FAM76B: variants seen among roughly 807,000 people sequenced by gnomAD.
The protein encoded by FAM76B is family with sequence similarity 76 member B, also known as protein FAM76B.
FAM76B carries 16 observed loss-of-function variants against 51.8 expected under a neutral mutation model. The ratio of observed to expected loss-of-function variants is 0.31; its 90% CI spans 0.21 to 0.47. The LOEUF (loss-of-function observed/expected upper bound fraction) is 0.47, where lower values mean the gene tolerates loss of function less well. Among genes scored for constraint, FAM76B ranks in the 20% least tolerant of loss-of-function variants. FAM76B has a pLI of 1.00. For missense variants in FAM76B, 342 were observed against 392.6 expected, an observed-to-expected ratio of 0.87 and a Z score of 1.09; for synonymous variants, 166 against 129.5, an observed-to-expected ratio of 1.28 and a Z score of -1.91.
In FAM76B at chr11:95,784,631, A is replaced by C. The variant is rs1372531873; in HGVS notation, c.364-1367T>G. ...TTTTGAGACGGAGTCTCTGTCGCCC[A>C]GGCTGGAGTGCAGTGGCGCAATCTT... On this transcript the variant is annotated intron_variant, in intron 4 of 9. Transcript: ENST00000358780. Among the ~76,000 whole-genome samples, 3 of 146,992 alleles carry C rather than the reference A, an allele frequency of 2.0e-5. No homozygotes were observed. In the East Asian group the frequency reaches 6.0e-4, roughly 29 times the overall value.
rs775991565 is a variant in FAM76B at position 95,779,185 on chromosome 11, T to C, written c.693-228A>G. The C allele has an allele frequency of 3.3e-6, 5 of 1,531,106 alleles. 1 individual carries two copies. In the South Asian group the frequency reaches 4.5e-5, roughly 14 times the overall value. The allele number at this position is 1,531,106 out of a possible 1,614,324, so 94.8% of individuals were successfully genotyped here. ...GCTTTAAGGGGGTCAATACTTCTAG[T>C]GTAAAGCAATAGGCAGCCAATTTGT... On this transcript the variant is annotated intron_variant, in intron 7 of 9. Transcript: ENST00000358780.
chr11:95,786,223 A>C lies in FAM76B; in HGVS notation c.259T>G (p.Cys87Gly). 1 of 1,614,188 alleles carries C rather than the reference A, an allele frequency of 6.2e-7. No homozygotes were observed. Among genetic ancestry groups the C allele is most frequent in the Non-Finnish European group, 8.5e-7 (1 of 1,180,014 alleles). Reference protein sequence around the residue: ...NIIAAFIGTKCQRCTNSEKKY... With the variant: ...NIIAAFIGTKGQRCTNSEKKY... Reference sequence around the variant, plus strand: ...TTTTCTGAATTTGTGCAACGCTGACACTTGGTACCAATAAATGCTGCAATT... The same window carrying C: ...TTTTCTGAATTTGTGCAACGCTGACCCTTGGTACCAATAAATGCTGCAATT... Residue 87 changes from cysteine (C) to glycine (G), a missense_variant, in exon 4 of 10, where the codon TGT becomes GGT. Physicochemically the swap from Cys to Gly is radical, Grantham distance 159. Around this residue, in one of 3 missense-constraint regions of FAM76B, gnomAD observed 16 missense variants for 40.5 expected, o/e 0.40. Coordinates refer to ENST00000358780, the MANE Select transcript of FAM76B (RefSeq NM_144664.5).
Position 95,787,688 on chromosome 11 carries a change from A to AAATTGTATATAGATCATGTTTATGTAG in FAM76B, c.153-37_153-11dup. ...AATTGTGTTAGTTTTGCTGAAAAATAAATTGTATATAGATCATGTTTATGT... is the reference window on the plus strand; with the variant it reads ...AATTGTGTTAGTTTTGCTGAAAAATAAATTGTATATAGATCATGTTTATGTAGAATTGTATATAGATCATGTTTATGT... On this transcript the variant is annotated splice_polypyrimidine_tract_variant and intron_variant, in intron 2 of 9. Coordinates refer to ENST00000358780, the MANE Select transcript of FAM76B (RefSeq NM_144664.5). The AAATTGTATATAGATCATGTTTATGTAG allele has an allele frequency of 6.3e-7, 1 of 1,595,898 alleles. No homozygotes were observed.
At chr11:95,782,417 T>A (rs954784331) in intron 5 of FAM76B, among the ~76,000 whole-genome samples, 1 of 152,066 alleles carries the variant, frequency 6.6e-6, no homozygotes, top group African/African-American at 2.4e-5. Context: ...TTCCACAGGG[T>A]CAATTGCAGA....
chr11:95,786,816 T>C (rs1157230450), intron 3 of FAM76B: 2 of 152,468 alleles, frequency 1.3e-5, no homozygotes, highest in Non-Finnish European at 2.9e-5. Flanking sequence ...ATTCAAAAGA[T>C]GATTCAGGGC....
At chr11:95,779,554 A>G (rs1203136336) in intron 7 of FAM76B, 53 bp downstream of exon 7, 35 of 1,462,198 alleles carry the variant, frequency 2.4e-5, no homozygotes, top group South Asian at 1.2e-4. Context: ...GCATTCAACC[A>G]TAACTATTCA....
At chr11:95,774,748 A>C (rs1166739280) in intron 9 of FAM76B, among the ~76,000 whole-genome samples, 1 of 151,402 alleles carries the variant, frequency 6.6e-6, no homozygotes, top group African/African-American at 2.4e-5. Context: ...CTCTCAGAAC[A>C]GAGGGCTGAT....
At chr11:95,773,297 T>C (rs955947670) in intron 9 of FAM76B, among the ~76,000 whole-genome samples, 1 of 151,020 alleles carries the variant, frequency 6.6e-6, no homozygotes, top group Non-Finnish European at 1.5e-5. Context: ...CTTAATAAAT[T>C]ACATAAGACA....
intron 1 of FAM76B, chr11:95,788,789 A>G (rs3748256): frequency 0.35 from 510,008 of 1,471,006 alleles, 94,005 homozygotes; most frequent in Non-Finnish European, 0.38. Flanking sequence ...TATATTACAG[A>G]CAAATTAAGA....
chr11:95,788,599 GA>G (rs371718252), intron 1 of FAM76B, 36 bp from the exon 2 acceptor site: 27,942 of 1,576,172 alleles, frequency 0.018, 316 homozygotes, highest in Non-Finnish European at 0.021. Context: ...GTATCTTTCT[GA>G]AAGTCCCAAA....
Position 95,786,527 on chromosome 11 carries a change from T to C in FAM76B, c.208-253A>G, listed in dbSNP as rs148702062. The C allele has an allele frequency of 1.5e-3, 505 of 336,756 alleles. 4 individuals carry two copies. The highest frequency in any genetic ancestry group is 9.9e-3 in the African/African-American group (473 of 47,566). 20.9% of individuals were successfully genotyped at this position (336,756 alleles called of 1,614,324 possible). The stretch of plus-strand genomic sequence containing the variant: ...ATAGATTTGTGATTTGCATAGTCTG[T>C]TAGATAATACAAAAACTACACATAA... On this transcript the variant is annotated intron_variant, in intron 3 of 9. Transcript: ENST00000358780.
At chr11:95,780,015 T>C (rs1814086868) in intron 5 of FAM76B, 89 bp from the exon 6 acceptor site, 1 of 1,223,624 alleles carries the variant, frequency 8.2e-7, no homozygotes, top group Admixed American at 2.3e-5. Context: ...ATACAAATTT[T>C]ATGTTTATAA....
In FAM76B at chr11:95,788,504, T is replaced by C; in HGVS notation, c.147A>G (p.Gln49=). The C allele has an allele frequency of 1.2e-6, 2 of 1,611,870 alleles. No homozygotes were observed. Among genetic ancestry groups the C allele is most frequent in the Non-Finnish European group, 1.7e-6 (2 of 1,178,522 alleles). ...AAACTATTCAGTATACAAACCTCTC[T>C]TGTTGAAATTCTGATCTGCAGTAAG... is the stretch of plus-strand genomic sequence containing the variant. ...KCTYCRSEFQ[Q]ESKTNTICKK... is the part of the protein sequence containing the mutation. The change falls in exon 2 of 10, where the codon CAA becomes CAG. Residue 49 remains glutamine, a synonymous_variant. Transcript: ENST00000358780.
chr11:95,789,417 A>C lies in FAM76B; in HGVS notation c.62T>G (p.Leu21Arg). The C allele has an allele frequency of 6.2e-7, 1 of 1,607,362 alleles. No individual in the cohort carries two copies. The highest frequency in any genetic ancestry group is 8.5e-7 in the Non-Finnish European group (1 of 1,177,158). Residue 21 changes from leucine (L) to arginine (R), a missense_variant, in exon 1 of 10, where the codon CTC becomes CGC. Transcript: ENST00000358780. ...KCTQRYPFEE[L>R]SQGQQLCKEC... ...CTTGCAGAGCTGCTGGCCCTGGGAG[A>C]GCTCCTCGAAAGGATAACGCTGGGT...
chr11:95,773,405 T>C (rs1037195043), intron 9 of FAM76B, among the ~76,000 whole-genome samples: 24 of 147,100 alleles, frequency 1.6e-4, no homozygotes, highest in Admixed American at 1.4e-4. Context: ...CATATTTCAA[T>C]ATATGTACAT....
intron 3 of FAM76B, among the ~76,000 whole-genome samples, chr11:95,787,238 AGT>A (rs1491315500): frequency 1.3e-5 from 2 of 151,956 alleles, no homozygotes; most frequent in Admixed American, 6.6e-5. Flanking sequence ...GCATAGCAGT[AGT>A]TTTTTTTTTT....
rs190368648 is a variant in FAM76B, at chr11:95,786,068, T to C, written c.363+51A>G. 26 of 1,575,736 alleles carry C rather than the reference T, an allele frequency of 1.7e-5. 1 individual carries two copies. In the East Asian group the frequency reaches 3.2e-4, roughly 19 times the overall value. On this transcript the variant is annotated intron_variant, in intron 4 of 9. Transcript: ENST00000358780. ...GTATTAATTATAATTTCCAACTTGT[T>C]TGGCATTTTATTTAATTTCCAGAAG...
intron 9 of FAM76B, among the ~76,000 whole-genome samples, 177 bp from the exon 10 acceptor site, chr11:95,771,827 G>C (rs888756350): frequency 6.6e-5 from 10 of 151,016 alleles, no homozygotes; most frequent in Non-Finnish European, 8.9e-5. Flanking sequence ...ACATGCAGAA[G>C]GAAAATTCTA....
intron 9 of FAM76B, among the ~76,000 whole-genome samples, chr11:95,774,460 C>A (rs1150359): frequency 0.95 from 143,722 of 151,358 alleles, 68,314 homozygotes; most frequent in African/African-American, 0.99. Context: ...GAAAAACCAA[C>A]ACACAAACTG....
Sources: allele counts gnomAD v4.1 joint callset (sites outside exome capture counted in the v4.1 genomes callset), GRCh38; gene constraint gnomAD v4.1.1; regional missense constraint gnomAD v4.1.1; transcripts MANE v1.5; gene names NCBI Gene and HGNC (gene_info 2026-07-23, HGNC 2026-07-21).